Variants in URB1 observed in about 807,000 individuals in gnomAD.
URB1 encodes the protein nucleolar pre-ribosomal-associated protein 1.
In URB1, 197 loss-of-function variants were observed where a neutral mutation model predicts 242.3. The ratio of observed to expected loss-of-function variants is 0.81; its 90% CI spans 0.72 to 0.91. The LOEUF is 0.91. Ranked by LOEUF, URB1 falls within the 40% of genes least tolerant of loss-of-function variation. URB1 has a pLI of 0.00. For synonymous variants in URB1, 1,153 were observed against 1,201.8 expected, an observed-to-expected ratio of 0.96 and a Z score of 0.84; for missense variants, 2,721 against 2,860.5, an observed-to-expected ratio of 0.95 and a Z score of 1.11.
Position 32,329,005 on chromosome 21 carries a change from T to TCC in URB1, c.4961-3618_4961-3617dup, listed in dbSNP as rs943446979. Among the ~76,000 whole-genome samples the TCC allele has an allele frequency of 5.9e-5, 9 of 151,908 alleles. No homozygotes were observed. The East Asian group carries it at 1.7e-3, about 29-fold the overall frequency. ...ACTGGGTGTAATGGCTCACCCAGCC[T>TCC]CCCAAGGTGCTGTAATCCCCCAGCA... On this transcript the variant is annotated intron_variant, in intron 30 of 38. Coordinates refer to ENST00000382751, the MANE Select transcript of URB1 (RefSeq NM_014825.3).
At position 32,317,888 on chromosome 21, in the gene URB1, T is replaced by G. The variant is rs1395814378; in HGVS notation, c.5822A>C (p.Asn1941Thr). 5.8e-6 allele frequency: 9 copies of G among 1,551,544 alleles called. No individual in the cohort carries two copies. Among genetic ancestry groups the G allele is most frequent in the Admixed American group, 3.9e-5 (2 of 50,978 alleles). Residue 1941 changes from asparagine (N) to threonine (T), a missense_variant, in exon 37 of 39, where the codon AAC (asparagine) becomes ACC (threonine). By Grantham distance (65) the Asn-to-Thr change is moderately conservative. Transcript: ENST00000382751. The stretch of plus-strand genomic sequence containing the variant: ...CACGGAGTCAAGTGTCCCGAAGAAG[T>G]TGGTCAGCTGGACGGGGGCCAAGGT... ...RPTLAPVQLT[N>T]FFGTLDSVLR... is the part of the protein sequence containing the mutation.
At position 32,344,691 on chromosome 21, in the gene URB1, C is replaced by T; in HGVS notation, c.4136G>A (p.Arg1379Lys). 1.9e-6 allele frequency: 3 copies of T among 1,552,320 alleles called. No homozygotes were observed. The East Asian group carries it at 7.3e-5, about 38-fold the overall frequency. Residue 1379 changes from arginine to lysine, a missense_variant, in exon 24 of 39, where the codon AGA becomes AAA. Coordinates refer to ENST00000382751, the MANE Select transcript of URB1 (RefSeq NM_014825.3). ...EGSAEELCAW[R>K]RTLLESCVKW... ...CACACAGGACTCCAAAAGGGTCCTT[C>T]TCCAGGCACACAGCTCTTCTGCTGA...
At chr21:32,374,620 T>C (rs1464549269) in intron 6 of URB1, among the ~76,000 whole-genome samples, 1 of 152,236 alleles carries the variant, frequency 6.6e-6, no homozygotes, top group African/African-American at 2.4e-5. Context: ...TATGTCATTA[T>C]TTGCTTTACT....
chr21:32,348,175 G>C (rs1025917651), intron 21 of URB1, among the ~76,000 whole-genome samples: 2 of 152,156 alleles, frequency 1.3e-5, no homozygotes, highest in Non-Finnish European at 2.9e-5. Flanking sequence ...CACTCAGTGT[G>C]GGGGGCGGGC....
At chr21:32,375,624 C>G (rs1282986177) in intron 5 of URB1, 141 bp from the exon 6 acceptor site, 1 of 525,442 alleles carries the variant, frequency 1.9e-6, no homozygotes, top group South Asian at 2.7e-5. Context: ...TACAAGTTTC[C>G]GGTAGAAATA....
intron 34 of URB1, 142 bp from the exon 35 acceptor site, chr21:32,320,782 C>T (rs1247764951): frequency 1.5e-5 from 10 of 653,330 alleles, no homozygotes; most frequent in African/African-American, 9.2e-5. Flanking sequence ...TCCGTCAGAG[C>T]GGTGGCCATG....
In URB1 at chr21:32,314,647, G is replaced by A. The variant is rs375809337; in HGVS notation, c.*271C>T. ...TCCAAGCCCCTAGAGAGGAAGGGGCGGCCTGACGAGGCACTGGATGGGCCT... is the reference window on the plus strand; with the variant it reads ...TCCAAGCCCCTAGAGAGGAAGGGGCAGCCTGACGAGGCACTGGATGGGCCT... On this transcript the variant is annotated 3_prime_UTR_variant, in exon 39 of 39. Coordinates refer to ENST00000382751, the MANE Select transcript of URB1 (RefSeq NM_014825.3). 4.1e-5 allele frequency: 66 copies of A among 1,613,972 alleles called. No homozygotes were observed. Among genetic ancestry groups the A allele is most frequent in the Admixed American group, 2.7e-4 (16 of 60,022 alleles).
At position 32,384,484 on chromosome 21, in the gene URB1, AC is replaced by A. The variant is rs1462144430; in HGVS notation, c.283-21del. On this transcript the variant is annotated intron_variant, in intron 2 of 38. Coordinates refer to ENST00000382751, the MANE Select transcript of URB1 (RefSeq NM_014825.3). ...CATCGTCTGCAAAGACAGAATTGAA[AC>A]GCTTAGAAATCGTCTCATTTCCTTT... The A allele has an allele frequency of 3.2e-6, 5 of 1,545,840 alleles. No individual in the cohort carries two copies. The South Asian group carries it at 4.8e-5, about 15-fold the overall frequency.
intron 11 of URB1, 91 bp from the exon 12 acceptor site, chr21:32,362,112 G>C (rs565921182): frequency 6.8e-7 from 1 of 1,475,632 alleles, no homozygotes; most frequent in African/African-American, 1.4e-5. Flanking sequence ...CAAAAAACAG[G>C]GAGGGGGGTG....
At chr21:32,355,390 TAAG>T (rs1281742241) in intron 16 of URB1, 56 bp downstream of exon 16, 2 of 1,480,498 alleles carry the variant, frequency 1.4e-6, no homozygotes, top group Admixed American at 4.0e-5. Context: ...TCGATGACGC[TAAG>T]AAGTTAATAT....
intron 25 of URB1, among the ~76,000 whole-genome samples, chr21:32,341,244 T>G (rs2033025384): frequency 6.6e-6 from 1 of 152,212 alleles, no homozygotes; most frequent in Non-Finnish European, 1.5e-5. Context: ...CATTTCTGTA[T>G]TTCTTTAAAT....
chr21:32,315,309 TTCTTTAA>T (rs978394137), intron 38 of URB1, among the ~76,000 whole-genome samples: 2 of 112,946 alleles, frequency 1.8e-5, no homozygotes, highest in African/African-American at 5.4e-5. Context: ...AAAGTTTCTT[TTCTTTAA>T]AAAAAAAAAA....
At chr21:32,325,790 G>A (rs535354339) in intron 30 of URB1, among the ~76,000 whole-genome samples, 12 of 152,234 alleles carry the variant, frequency 7.9e-5, no homozygotes, top group African/African-American at 2.9e-4. Flanking sequence ...GCCCTCCACC[G>A]CGGGCGCCTG....
Position 32,359,917 on chromosome 21 carries a change from G to A in URB1, c.1757-9C>T, listed in dbSNP as rs1234555729. 1 of 1,547,066 alleles carries A rather than the reference G, an allele frequency of 6.5e-7. No homozygotes were observed. Among genetic ancestry groups the A allele is most frequent in the Non-Finnish European group, 8.7e-7 (1 of 1,145,316 alleles). On this transcript the variant is annotated splice_polypyrimidine_tract_variant and intron_variant, in intron 13 of 38. Coordinates refer to ENST00000382751, the MANE Select transcript of URB1 (RefSeq NM_014825.3). ...CTGCTCAGAGATGACACCTATGGGT[G>A]AAAAAGAGGCAGGCTGAAAAAAGTC...
At chr21:32,325,517 C>G (rs1489409129) in intron 30 of URB1, 128 bp from the exon 31 acceptor site, 37 of 1,203,066 alleles carry the variant, frequency 3.1e-5, no homozygotes, top group Non-Finnish European at 3.9e-5. Flanking sequence ...GAATGCAAGT[C>G]TCTCTCCAAC....
Position 32,347,165 on chromosome 21 carries a change from T to C in URB1, c.3659A>G (p.Asp1220Gly). The C allele has an allele frequency of 1.9e-6, 3 of 1,548,960 alleles. No individual in the cohort carries two copies. The highest frequency in any genetic ancestry group is 2.4e-5 in the East Asian group (1 of 40,854). ...CTGTGTGCGCCGGGCCAGGCAGTAGTCAAGCAGATCAGCCCCGACTGCGGG... is the reference window on the plus strand; with the variant it reads ...CTGTGTGCGCCGGGCCAGGCAGTAGCCAAGCAGATCAGCCCCGACTGCGGG... ...LAPAVGADLL[D>G]YCLARRTQAA... The change falls in exon 22 of 39, where the codon GAC becomes GGC. Residue 1220 changes from aspartate to glycine, a missense_variant. Coordinates refer to ENST00000382751, the MANE Select transcript of URB1 (RefSeq NM_014825.3).
intron 35 of URB1, among the ~76,000 whole-genome samples, chr21:32,320,123 G>A (rs987362163): frequency 3.3e-5 from 5 of 152,232 alleles, no homozygotes; most frequent in East Asian, 1.9e-4. Flanking sequence ...CCTGTCACCC[G>A]TCAGACCGGC....
At chr21:32,371,526 A>G (rs1165309372) in intron 8 of URB1, among the ~76,000 whole-genome samples, 2 of 152,240 alleles carry the variant, frequency 1.3e-5, no homozygotes, top group African/African-American at 4.8e-5. Context: ...AAATGATGTG[A>G]CAAGTTAAAT....
intron 8 of URB1, 64 bp from the exon 9 acceptor site, chr21:32,368,662 T>G: frequency 7.4e-7 from 1 of 1,358,664 alleles, no homozygotes; most frequent in Non-Finnish European, 1.0e-6. Context: ...TGAGAGCTCA[T>G]GGTGACGTGC....
Sources: allele counts gnomAD v4.1 joint callset (sites outside exome capture counted in the v4.1 genomes callset), GRCh38; gene constraint gnomAD v4.1.1; transcripts MANE v1.5; gene names NCBI Gene and HGNC (gene_info 2026-07-23, HGNC 2026-07-21).